PIEZO2: variants seen among roughly 807,000 people sequenced by gnomAD.
PIEZO2 encodes piezo type mechanosensitive ion channel component 2.
A neutral mutation model predicts 337.3 loss-of-function variants in PIEZO2; 172 were observed. That is an observed-to-expected ratio of 0.51 (90% CI 0.45 to 0.58). PIEZO2 has a LOEUF of 0.58. Ranked by LOEUF, PIEZO2 falls within the 20% of genes least tolerant of loss-of-function variation. PIEZO2 has a pLI of 0.00. For missense variants in PIEZO2, 3,028 were observed against 3,391.3 expected (o/e 0.89, Z 2.66); for synonymous variants, 1,251 against 1,228.5 (o/e 1.02, Z -0.38).
At chr18:10,776,094 T>A (rs1342806979) in intron 18 of PIEZO2, among the ~76,000 whole-genome samples, 3 of 152,256 alleles carry the variant, frequency 2.0e-5, no homozygotes, top group Admixed American at 2.0e-4. Context: ...AAGACACTTG[T>A]GTGAATCCTT....
At chr18:11,025,129 C>T (rs2036492095) in intron 2 of PIEZO2, among the ~76,000 whole-genome samples, 2 of 152,104 alleles carry the variant, frequency 1.3e-5, no homozygotes, top group Non-Finnish European at 2.9e-5. Flanking sequence ...TTACATTCAT[C>T]TCTGAGCCCC....
chr18:10,878,593 G>A lies in PIEZO2; in HGVS notation c.330-7178C>T, dbSNP rs1039050262. On this transcript the variant is annotated intron_variant, in intron 4 of 55. Transcript: ENST00000674853. This position sits in a 1 kb window ranked among gnomAD's most constrained non-coding sequence, Gnocchi z 4.3. ...ATTTCAAAAACAAAAGAAATGAAGT[G>A]TATCTAATGAACATTAAATGGCTCA... Among the ~76,000 whole-genome samples, 5 of 152,148 alleles carry A rather than the reference G, an allele frequency of 3.3e-5. No homozygotes were observed. Among genetic ancestry groups the A allele is most frequent in the Admixed American group, 6.5e-5 (1 of 15,272 alleles).
rs1357036371 is a variant in PIEZO2 at position 10,824,781 on chromosome 18, C to A, written c.918-17507G>T. Among the ~76,000 whole-genome samples the A allele has an allele frequency of 6.6e-6, 1 of 152,132 alleles. No homozygotes were observed. The highest frequency in any genetic ancestry group is 2.4e-5 in the African/African-American group (1 of 41,426). On this transcript the variant is annotated intron_variant, in intron 7 of 55. Coordinates refer to ENST00000674853, the MANE Select transcript of PIEZO2 (RefSeq NM_001378183.1). The surrounding 1 kb of genome is among the most constrained non-coding windows in gnomAD (Gnocchi z 4.4). ...TTACATTAGTATGATACATCTGTCA[C>A]AATTAACAAAACAATACTGAGACAT...
intron 7 of PIEZO2, among the ~76,000 whole-genome samples, chr18:10,825,840 C>T (rs1299233549): frequency 6.6e-6 from 1 of 152,108 alleles, no homozygotes; most frequent in African/African-American, 2.4e-5. Context: ...TGTGAGCCAC[C>T]ATGCCTGGCC....
Position 10,789,080 on chromosome 18 carries a change from T to C in PIEZO2, c.2168A>G (p.Gln723Arg). 1.3e-6 allele frequency: 2 copies of C among 1,536,026 alleles called. No individual in the cohort carries two copies. Among genetic ancestry groups the C allele is most frequent in the Non-Finnish European group, 1.7e-6 (2 of 1,146,060 alleles). The change falls in exon 15 of 56, where the codon CAG becomes CGG. Residue 723 changes from glutamine to arginine, a missense_variant and splice_region_variant. Physicochemically the swap from Gln to Arg is conservative, Grantham distance 43. Transcript: ENST00000674853. ...TAAAATGGTCAACTGTGTACCTACC[T>C]GGTATAGGGCCACACAGAACAGGAA... is the stretch of plus-strand genomic sequence containing the variant. ...VLFLFCVALY[Q>R]VHYEWWRKIL... is the part of the protein sequence containing the mutation.
chr18:11,108,679 T>G (rs767516713), intron 1 of PIEZO2, among the ~76,000 whole-genome samples: 2 of 150,546 alleles, frequency 1.3e-5, no homozygotes, highest in Non-Finnish European at 3.0e-5. Context: ...TATAACATAT[T>G]TTCATATATG....
chr18:10,697,792 C>G lies in PIEZO2; in HGVS notation c.6783G>C (p.Lys2261Asn), dbSNP rs746389777. Residue 2261 changes from lysine (K) to asparagine (N), a missense_variant, in exon 45 of 56, where the codon AAG (lysine) becomes AAC (asparagine). Physicochemically the swap from Lys to Asn is moderately conservative, Grantham distance 94 (BLOSUM62 0). This residue lies in a region of PIEZO2 where 1,925 missense variants were observed against 2,051.9 expected (regional missense o/e 0.94). Coordinates refer to ENST00000674853, the MANE Select transcript of PIEZO2 (RefSeq NM_001378183.1). ...TTGCTTTGATTAAATGTTCTTGAAG[C>G]TTTTCCATATAAAGTTCCCTTTTGC... ...QKGKRELYMEKLQEHLIKAKA... is the reference protein window; with the variant it reads ...QKGKRELYMENLQEHLIKAKA... 10 of 1,614,196 alleles carry G rather than the reference C, an allele frequency of 6.2e-6. No homozygotes were observed. The South Asian group carries it at 9.9e-5, about 16-fold the overall frequency.
chr18:10,896,809 A>G (rs2042913704), intron 4 of PIEZO2, among the ~76,000 whole-genome samples: 1 of 152,214 alleles, frequency 6.6e-6, no homozygotes, highest in African/African-American at 2.4e-5. Flanking sequence ...CCTCCACCTC[A>G]TGTCTGAGAA....
At position 10,813,683 on chromosome 18, in the gene PIEZO2, G is replaced by A. The variant is rs114026243; in HGVS notation, c.918-6409C>T. ...CCACCTTCTGACTATTGTTCATAAC[G>A]CTGTTATGAACATGGGTGAACAAAT... On this transcript the variant is annotated intron_variant, in intron 7 of 55. Coordinates refer to ENST00000674853, the MANE Select transcript of PIEZO2 (RefSeq NM_001378183.1). This position sits in a 1 kb window ranked among gnomAD's most constrained non-coding sequence, Gnocchi z 4.2. Among the ~76,000 whole-genome samples, 205 of 152,170 alleles carry A rather than the reference G, an allele frequency of 1.3e-3. No individual in the cohort carries two copies. Among genetic ancestry groups the A allele is most frequent in the African/African-American group, 4.8e-3 (198 of 41,512 alleles).
rs2144685342 is a variant in PIEZO2, at chr18:10,854,054, T to A, written c.917+1299A>T. ...GCTGCCTCCACTCTCTATGCAGGCC[T>A]CTTTTCCATGCTGATTTTTTTTTTA... is the stretch of plus-strand genomic sequence containing the variant. On this transcript the variant is annotated intron_variant, in intron 7 of 55. Transcript: ENST00000674853. The surrounding 1 kb of genome is among the most constrained non-coding windows in gnomAD (Gnocchi z 4.6). Among the ~76,000 whole-genome samples, 1 of 152,326 alleles carries A rather than the reference T, an allele frequency of 6.6e-6. No homozygotes were observed. The highest frequency in any genetic ancestry group is 2.4e-5 in the African/African-American group (1 of 41,584).
At chr18:10,926,343 A>G (rs1369304053) in intron 3 of PIEZO2, among the ~76,000 whole-genome samples, 1 of 152,206 alleles carries the variant, frequency 6.6e-6, no homozygotes, top group East Asian at 1.9e-4. Context: ...ATATCAGTAA[A>G]TACTACAATC....
rs746390950 is a variant in PIEZO2, at chr18:10,689,793, G to C, written c.7359C>G (p.Leu2453=). 6.2e-7 allele frequency: 1 copy of C among 1,609,166 alleles called. No homozygotes were observed. The highest frequency in any genetic ancestry group is 8.5e-7 in the Non-Finnish European group (1 of 1,177,226). Residue 2453 remains leucine, a synonymous_variant, in exon 49 of 56, where the codon CTC becomes CTG. Transcript: ENST00000674853. ...VNLFLFQGFR[L]VPFLTELRAV... is the part of the protein sequence containing the mutation. ...CCCTCAGCTCAGTCAAAAAGGGCACGAGGCGAAACCTGGCAGGAAACACAT... is the reference window on the plus strand; with the variant it reads ...CCCTCAGCTCAGTCAAAAAGGGCACCAGGCGAAACCTGGCAGGAAACACAT...
chr18:11,130,608 G>A (rs536604722), intron 1 of PIEZO2, among the ~76,000 whole-genome samples: 1 of 152,356 alleles, frequency 6.6e-6, no homozygotes, highest in East Asian at 1.9e-4. Context: ...TTATTGGAGA[G>A]ACATTTGTGT....
chr18:10,900,393 G>C (rs767392514), intron 4 of PIEZO2, among the ~76,000 whole-genome samples: 8 of 152,122 alleles, frequency 5.3e-5, no homozygotes, highest in Non-Finnish European at 1.2e-4. Flanking sequence ...TCTTTCCTAA[G>C]AGCTAACTTT....
At chr18:10,796,476 T>C (rs1002487419) in intron 12 of PIEZO2, among the ~76,000 whole-genome samples, 2 of 152,160 alleles carry the variant, frequency 1.3e-5, no homozygotes, top group Admixed American at 1.3e-4. Context: ...AAAAGTAGCC[T>C]ATGTTAACCT....
chr18:11,101,203 G>A lies in PIEZO2; in HGVS notation c.65-34981C>T, dbSNP rs1369321976. Among the ~76,000 whole-genome samples the A allele has an allele frequency of 1.3e-5, 2 of 152,184 alleles. No individual in the cohort carries two copies. Among genetic ancestry groups the A allele is most frequent in the Admixed American group, 6.5e-5 (1 of 15,278 alleles). ...TTTTGGGCTCATTCCATCTGGGCCA[G>A]CCCAAGCCCTTTACTGACCTCCCTA... On this transcript the variant is annotated intron_variant, in intron 1 of 55. Coordinates refer to ENST00000674853, the MANE Select transcript of PIEZO2 (RefSeq NM_001378183.1). This position sits in a 1 kb window ranked among gnomAD's most constrained non-coding sequence, Gnocchi z 4.4.
At position 10,682,934 on chromosome 18, in the gene PIEZO2, T is replaced by C. The variant is rs1214959821; in HGVS notation, c.7498-642A>G. Reference sequence around the variant, plus strand: ...ACCAGTAAGGCTGGGAGCACTTCTGTTTGCTTTAATATAGATTCATGAAGG... The same window carrying C: ...ACCAGTAAGGCTGGGAGCACTTCTGCTTGCTTTAATATAGATTCATGAAGG... On this transcript the variant is annotated intron_variant, in intron 49 of 55. Transcript: ENST00000674853. This position sits in a 1 kb window ranked among gnomAD's most constrained non-coding sequence, Gnocchi z 5.6. 6.6e-6 allele frequency among the ~76,000 whole-genome samples: 1 copy of C among 152,156 alleles called. No individual in the cohort carries two copies. The highest frequency in any genetic ancestry group is 1.5e-5 in the Non-Finnish European group (1 of 68,024).
At chr18:11,056,669 T>C (rs1190864834) in intron 2 of PIEZO2, among the ~76,000 whole-genome samples, 1 of 151,948 alleles carries the variant, frequency 6.6e-6, no homozygotes, top group Admixed American at 6.5e-5. Flanking sequence ...CCAGGCAGGG[T>C]CATGAGAAGA....
intron 4 of PIEZO2, among the ~76,000 whole-genome samples, chr18:10,907,272 G>A (rs1208048935): frequency 2.6e-5 from 4 of 151,944 alleles, no homozygotes; most frequent in African/African-American, 9.7e-5. Flanking sequence ...GTGAAACCCC[G>A]TCTCTAATAA....
Sources: allele counts gnomAD v4.1 joint callset (sites outside exome capture counted in the v4.1 genomes callset), GRCh38; gene constraint gnomAD v4.1.1; regional missense constraint gnomAD v4.1.1; non-coding constraint Gnocchi (gnomAD v3.1); transcripts MANE v1.5; gene names NCBI Gene and HGNC (gene_info 2026-07-23, HGNC 2026-07-21).